Variants in CACNA1E observed in about 807,000 individuals in gnomAD.
CACNA1E encodes the protein voltage-dependent R-type calcium channel subunit alpha-1E.
In CACNA1E, 40 loss-of-function variants were observed where a neutral mutation model predicts 259.2. That is an observed-to-expected ratio of 0.15 (90% CI 0.12 to 0.20). CACNA1E has a LOEUF of 0.20. Among genes scored for constraint, CACNA1E ranks in the 10% least tolerant of loss-of-function variants. CACNA1E has a pLI of 1.00. For synonymous variants in CACNA1E, 1,104 were observed against 1,138.5 expected (o/e 0.97, Z 0.61); for missense variants, 1,874 against 3,040.1 (o/e 0.62, Z 9.02).
chr1:181,612,206 C>T (rs191240142), intron 6 of CACNA1E, among the ~76,000 whole-genome samples: 1 of 152,314 alleles, frequency 6.6e-6, no homozygotes. Context: ...GAGGGAGCTC[C>T]GTCCAAGGGC....
chr1:181,671,294 G>T (rs1377923153), intron 7 of CACNA1E, among the ~76,000 whole-genome samples: 9 of 152,156 alleles, frequency 5.9e-5, no homozygotes, highest in Non-Finnish European at 1.0e-4. Context: ...CCAAAGTGCT[G>T]GGATTACAGG....
intron 3 of CACNA1E, among the ~76,000 whole-genome samples, chr1:181,533,057 A>G (rs1390794929): frequency 6.6e-6 from 1 of 152,068 alleles, no homozygotes; most frequent in Non-Finnish European, 1.5e-5. Flanking sequence ...TGAGTTAGGA[A>G]AAATAAGTTG....
At chr1:181,377,661 T>TA (rs1360307019) in intron 1 of CACNA1E, among the ~76,000 whole-genome samples, 1 of 152,224 alleles carries the variant, frequency 6.6e-6, no homozygotes, top group African/African-American at 2.4e-5. Context: ...AACACTTAAA[T>TA]AATGTTTACT....
At chr1:181,794,670 A>G (rs1437263967) in intron 45 of CACNA1E, among the ~76,000 whole-genome samples, 194 bp from the exon 46 acceptor site, 1 of 152,248 alleles carries the variant, frequency 6.6e-6, no homozygotes, top group East Asian at 1.9e-4. Flanking sequence ...TGACTATATT[A>G]ACATAATGTA....
At chr1:181,726,585 A>T (rs377678833) in intron 18 of CACNA1E, among the ~76,000 whole-genome samples, 1 of 152,132 alleles carries the variant, frequency 6.6e-6, no homozygotes. Flanking sequence ...ATGAGGGGAA[A>T]TAGAGAAAGG....
chr1:181,343,235 G>A (rs1369082313), intron 1 of CACNA1E, among the ~76,000 whole-genome samples: 2 of 152,116 alleles, frequency 1.3e-5, no homozygotes, highest in African/African-American at 4.8e-5. Flanking sequence ...TGTCAAGTTT[G>A]AGAGGCTGAT....
chr1:181,525,186 A>G (rs1008553226), intron 3 of CACNA1E, among the ~76,000 whole-genome samples: 2 of 152,254 alleles, frequency 1.3e-5, no homozygotes, highest in East Asian at 3.8e-4. Context: ...CTGTGCAATC[A>G]GCTTTCTATC....
chr1:181,339,846 A>C (rs1002490265), intron 1 of CACNA1E, among the ~76,000 whole-genome samples: 5 of 152,108 alleles, frequency 3.3e-5, no homozygotes, highest in African/African-American at 4.8e-5. Flanking sequence ...TTGTATATTA[A>C]GCAAATTAGA....
chr1:181,334,137 TCA>T (rs940849755), intron 1 of CACNA1E, among the ~76,000 whole-genome samples: 13 of 152,204 alleles, frequency 8.5e-5, no homozygotes, highest in Admixed American at 4.6e-4. Context: ...CAGTCAACTC[TCA>T]GTTTTCATCT....
At chr1:181,615,138 C>G (rs1350400386) in intron 6 of CACNA1E, among the ~76,000 whole-genome samples, 1 of 152,132 alleles carries the variant, frequency 6.6e-6, no homozygotes, top group Non-Finnish European at 1.5e-5. Context: ...TCATTATATA[C>G]TTTTTCTCAT....
At chr1:181,755,494 A>G in intron 28 of CACNA1E, 97 bp downstream of exon 28, 1 of 914,656 alleles carries the variant, frequency 1.1e-6, no homozygotes. Flanking sequence ...TTTCTATCTT[A>G]CCCATCTCTG....
At chr1:181,662,489 C>A (rs1188490610) in intron 7 of CACNA1E, among the ~76,000 whole-genome samples, 1 of 152,154 alleles carries the variant, frequency 6.6e-6, no homozygotes, top group East Asian at 1.9e-4. Flanking sequence ...TATCACTTGC[C>A]AGCTATGACA....
chr1:181,402,567 C>T lies in CACNA1E; in HGVS notation c.-14-10566C>T, dbSNP rs149654533. ...CCAGGACTGCTGTGCCAAGCCAGAG[C>T]GTACTCCGTCCCCATGCAGTACTGT... On this transcript the variant is annotated intron_variant, in intron 1 of 11. Coordinates refer to the CACNA1E transcript ENST00000524607. Among the ~76,000 whole-genome samples, 243 of 152,320 alleles carry T rather than the reference C, an allele frequency of 1.6e-3. 3 individuals are homozygous for T. The highest frequency in any genetic ancestry group is 6.8e-3 in the Middle Eastern group (2 of 294).
intron 1 of CACNA1E, among the ~76,000 whole-genome samples, chr1:181,320,349 C>T (rs1471207001): frequency 5.3e-5 from 8 of 152,184 alleles, no homozygotes; most frequent in Non-Finnish European, 1.2e-4. Context: ...GATGAGGACT[C>T]TTACGGATGT....
chr1:181,666,881 C>G (rs1023612639), intron 7 of CACNA1E, among the ~76,000 whole-genome samples: 2 of 151,916 alleles, frequency 1.3e-5, no homozygotes, highest in Admixed American at 1.3e-4. Context: ...AGTTGGAGCC[C>G]CATCTTATAT....
intron 1 of CACNA1E, among the ~76,000 whole-genome samples, chr1:181,371,179 G>A (rs549202874): frequency 1.3e-5 from 2 of 152,290 alleles, no homozygotes; most frequent in Admixed American, 1.3e-4. Flanking sequence ...GATCTTTGCT[G>A]AATGCATAGT....
At chr1:181,771,426 G>A (rs369509465) in intron 36 of CACNA1E, 42 bp downstream of exon 36, 1 of 1,046,262 alleles carries the variant, frequency 9.6e-7, no homozygotes, top group Non-Finnish European at 1.5e-6. Flanking sequence ...TTCTCCTGAT[G>A]GAGGGAGAGA....
At chr1:181,349,095 C>T (rs368133908) in intron 1 of CACNA1E, among the ~76,000 whole-genome samples, 25 of 94,030 alleles carry the variant, frequency 2.7e-4, no homozygotes, top group Middle Eastern at 5.6e-3. Flanking sequence ...TGGGGACCCA[C>T]GGGAAGAGCA....
chr1:181,588,039 C>T (rs1052927876), intron 6 of CACNA1E, among the ~76,000 whole-genome samples: 1 of 152,164 alleles, frequency 6.6e-6, no homozygotes, highest in Non-Finnish European at 1.5e-5. Flanking sequence ...GCTCGCACTG[C>T]CCCCAGTGGA....
Sources: allele counts gnomAD v4.1 joint callset (sites outside exome capture counted in the v4.1 genomes callset), GRCh38; gene constraint gnomAD v4.1.1; transcripts MANE v1.5; gene names NCBI Gene and HGNC (gene_info 2026-07-23, HGNC 2026-07-21).